Variants in SYT1 observed in about 807,000 individuals in gnomAD.
SYT1 encodes synaptotagmin 1.
A neutral mutation model predicts 44.8 loss-of-function variants in SYT1; 8 were observed. The ratio of observed to expected loss-of-function variants is 0.18; its 90% CI spans 0.10 to 0.32. The LOEUF (loss-of-function observed/expected upper bound fraction) is 0.32, where lower values mean the gene tolerates loss of function less well. Among genes scored for constraint, SYT1 ranks in the 10% least tolerant of loss-of-function variants. SYT1 has a pLI of 1.00. For synonymous variants in SYT1, 154 were observed against 188.8 expected, an observed-to-expected ratio of 0.82 and a Z score of 1.51; for missense variants, 286 against 509.3, an observed-to-expected ratio of 0.56 and a Z score of 4.22.
intron 4 of SYT1, among the ~76,000 whole-genome samples, chr12:79,243,061 C>T (rs1876607158): frequency 6.6e-6 from 1 of 152,070 alleles, no homozygotes; most frequent in South Asian, 2.1e-4. Flanking sequence ...GGGGAACTGC[C>T]CTTTATAAAA....
intron 3 of SYT1, among the ~76,000 whole-genome samples, chr12:79,096,242 C>G (rs191699549): frequency 1.3e-5 from 2 of 151,968 alleles, no homozygotes; most frequent in East Asian, 3.9e-4. Context: ...GAAAAAGCCT[C>G]TCCCTGCAAC....
intron 3 of SYT1, among the ~76,000 whole-genome samples, chr12:79,179,349 TATATCGATATAG>T (rs1565841921): frequency 2.1e-5 from 1 of 47,748 alleles, no homozygotes; most frequent in African/African-American, 7.0e-5. Flanking sequence ...TCGATATGTC[TATATCGATATAG>T]ATATAGATAT....
chr12:79,050,568 G>A lies in SYT1; in HGVS notation c.-18+3206G>A, dbSNP rs150448256. On this transcript the variant is annotated intron_variant, in intron 3 of 10. Coordinates refer to ENST00000261205, the MANE Select transcript of SYT1 (RefSeq NM_005639.3). ...AAATCATTCAGATGCTCAGACATCCGTGTTAGAAACTCTTCATATTATCCT... is the reference window on the plus strand; with the variant it reads ...AAATCATTCAGATGCTCAGACATCCATGTTAGAAACTCTTCATATTATCCT... 2.6e-3 allele frequency among the ~76,000 whole-genome samples: 395 copies of A among 152,084 alleles called. 3 individuals are homozygous for A. The highest frequency in any genetic ancestry group is 7.7e-3 in the African/African-American group (319 of 41,516).
chr12:79,144,886 T>C (rs1402331654), intron 3 of SYT1, among the ~76,000 whole-genome samples: 3 of 152,244 alleles, frequency 2.0e-5, no homozygotes, highest in African/African-American at 7.2e-5. Context: ...TTTTGTGTCA[T>C]GTTAGTGTTT....
intron 7 of SYT1, among the ~76,000 whole-genome samples, chr12:79,297,839 C>G (rs1287718038): frequency 6.6e-6 from 1 of 152,144 alleles, no homozygotes; most frequent in Non-Finnish European, 1.5e-5. Flanking sequence ...ATTTAAATCA[C>G]TTAACAGGAA....
chr12:79,436,527 C>T (rs1870102896), intron 9 of SYT1, among the ~76,000 whole-genome samples: 1 of 152,156 alleles, frequency 6.6e-6, no homozygotes, highest in African/African-American at 2.4e-5. Flanking sequence ...AGGCATCTTG[C>T]ATTATTTGGC....
At chr12:79,279,017 A>G (rs909933051) in intron 4 of SYT1, among the ~76,000 whole-genome samples, 1 of 151,286 alleles carries the variant, frequency 6.6e-6, no homozygotes, top group Non-Finnish European at 1.5e-5. Flanking sequence ...ATACTAAAAA[A>G]AAAAAAAAAA....
rs1258693327 is a variant in SYT1 at position 79,447,218 on chromosome 12, TTTC to T, written c.1063-1699_1063-1697del. On this transcript the variant is annotated intron_variant, in intron 10 of 10. Coordinates refer to ENST00000261205, the MANE Select transcript of SYT1 (RefSeq NM_005639.3). ...CCTTGAGTCACTTTGTTCTTTTTTT[TTTC>T]CTTTTTTTATAGGAGGCAACTTTTC... is the stretch of plus-strand genomic sequence containing the variant. Among the ~76,000 whole-genome samples, 6 of 152,244 alleles carry T rather than the reference TTTC, an allele frequency of 3.9e-5. No individual in the cohort carries two copies. The East Asian group carries it at 1.2e-3, about 29-fold the overall frequency.
chr12:78,876,790 C>T lies in SYT1; in HGVS notation c.-217+11681C>T, dbSNP rs1249366396. Among the ~76,000 whole-genome samples the T allele has an allele frequency of 7.8e-3, 241 of 30,802 alleles. 2 individuals are homozygous for T. The highest frequency in any genetic ancestry group is 0.024 in the African/African-American group (161 of 6,612). The allele number at this position is 30,802 out of a possible 152,430, so 20.2% of individuals were successfully genotyped here. ...TTATATATTTATATATTATATAATACATATAATATATTATATGTAATACAT... is the reference window on the plus strand; with the variant it reads ...TTATATATTTATATATTATATAATATATATAATATATTATATGTAATACAT... On this transcript the variant is annotated intron_variant, in intron 1 of 10. Coordinates refer to ENST00000261205, the MANE Select transcript of SYT1 (RefSeq NM_005639.3).
intron 9 of SYT1, among the ~76,000 whole-genome samples, chr12:79,421,528 A>G (rs191390882): frequency 6.6e-5 from 10 of 152,288 alleles, no homozygotes; most frequent in South Asian, 4.1e-4. Context: ...CATTCTGGCC[A>G]GAAATTCACA....
intron 9 of SYT1, among the ~76,000 whole-genome samples, chr12:79,412,035 T>C (rs772440403): frequency 7.2e-5 from 11 of 152,152 alleles, no homozygotes; most frequent in Non-Finnish European, 1.6e-4. Context: ...AACAGGGCAG[T>C]AGAAAGTTTA....
intron 5 of SYT1, among the ~76,000 whole-genome samples, chr12:79,286,209 T>C (rs934767820): frequency 4.0e-4 from 61 of 152,174 alleles, no homozygotes; most frequent in African/African-American, 4.6e-4. Flanking sequence ...ATCAGGCCCA[T>C]CTTGATGGGT....
At chr12:79,256,077 T>C (rs1877497206) in intron 4 of SYT1, among the ~76,000 whole-genome samples, 1 of 152,208 alleles carries the variant, frequency 6.6e-6, no homozygotes, top group Admixed American at 6.5e-5. Flanking sequence ...AGATAAGGGC[T>C]CTGCAACCAC....
chr12:78,954,912 T>G lies in SYT1; in HGVS notation c.-216-22887T>G, dbSNP rs373979178. Among the ~76,000 whole-genome samples, 8 of 152,230 alleles carry G rather than the reference T, an allele frequency of 5.3e-5. 1 individual carries two copies. The East Asian group carries it at 1.5e-3, about 29-fold the overall frequency. On this transcript the variant is annotated intron_variant, in intron 1 of 10. Transcript: ENST00000261205. The stretch of plus-strand genomic sequence containing the variant: ...GCTTGTGATTATCCTGAATACTAAG[T>G]GAAAGGGAAGTGATGATGGAATTTT...
intron 1 of SYT1, among the ~76,000 whole-genome samples, chr12:78,965,760 G>A (rs1429222889): frequency 6.6e-6 from 1 of 152,036 alleles, no homozygotes; most frequent in African/African-American, 2.4e-5. Flanking sequence ...CTCATGTTGC[G>A]TGGAGCCTAG....
chr12:79,090,004 T>C (rs1439344739), intron 3 of SYT1, among the ~76,000 whole-genome samples: 1 of 152,072 alleles, frequency 6.6e-6, no homozygotes, highest in Non-Finnish European at 1.5e-5. Context: ...AAATAATCTC[T>C]GTAGCTTGTT....
intron 1 of SYT1, among the ~76,000 whole-genome samples, chr12:78,975,980 A>G (rs1250443112): frequency 6.6e-6 from 1 of 152,196 alleles, no homozygotes; most frequent in Non-Finnish European, 1.5e-5. Flanking sequence ...CTCATGCTCA[A>G]TATTCTAAAG....
chr12:79,377,421 T>G (rs1884044185), intron 9 of SYT1, among the ~76,000 whole-genome samples: 1 of 152,240 alleles, frequency 6.6e-6, no homozygotes, highest in African/African-American at 2.4e-5. Flanking sequence ...ATTTTCTAAA[T>G]AGCTTAAATC....
intron 1 of SYT1, among the ~76,000 whole-genome samples, chr12:78,901,880 T>A (rs992042782): frequency 1.3e-5 from 2 of 152,040 alleles, no homozygotes; most frequent in African/African-American, 4.8e-5. Context: ...ATAATCTACA[T>A]TCCTAAAAAT....
Sources: gnomAD v4.1 joint callset for allele counts (sites outside exome capture counted in the v4.1 genomes callset) on GRCh38, gnomAD v4.1.1 for gene constraint, MANE v1.5 for transcripts, NCBI Gene and HGNC (gene_info 2026-07-23, HGNC 2026-07-21) for gene names.